KCNIP4: variants seen among roughly 807,000 people sequenced by gnomAD.
KCNIP4 encodes Kv channel-interacting protein 4.
KCNIP4 carries 12 observed loss-of-function variants against 34.0 expected under a neutral mutation model. The observed-to-expected ratio is 0.35, with a 90% confidence interval of 0.23 to 0.57. The LOEUF is 0.57. Among genes scored for constraint, KCNIP4 ranks in the 20% least tolerant of loss-of-function variants. KCNIP4 has a pLI of 0.83. For missense variants in KCNIP4, 238 were observed against 311.7 expected (o/e 0.76, Z 1.78); for synonymous variants, 124 against 102.2 (o/e 1.21, Z -1.29).
intron 1 of KCNIP4, among the ~76,000 whole-genome samples, chr4:20,936,146 G>C (rs1731036565): frequency 6.6e-6 from 1 of 152,016 alleles, no homozygotes; most frequent in African/African-American, 2.4e-5. Context: ...TTATTCAAAG[G>C]ATTAATTTAA....
intron 1 of KCNIP4, among the ~76,000 whole-genome samples, chr4:21,109,237 G>A (rs1462355449): frequency 1.4e-4 from 21 of 152,220 alleles, no homozygotes; most frequent in Non-Finnish European, 1.9e-4. Context: ...GCCTCCTTGA[G>A]CTGTGGTGGG....
intron 1 of KCNIP4, among the ~76,000 whole-genome samples, chr4:21,584,937 A>C (rs188616521): frequency 1.3e-5 from 2 of 151,932 alleles, no homozygotes; most frequent in Admixed American, 1.3e-4. Context: ...TGAATGGCTG[A>C]GTTTTATTTT....
intron 1 of KCNIP4, among the ~76,000 whole-genome samples, chr4:20,893,534 C>T (rs1423847059): frequency 1.3e-4 from 20 of 151,862 alleles, no homozygotes; most frequent in African/African-American, 3.1e-4. Context: ...GTGATCCTCC[C>T]GCCTCAGCCT....
At chr4:21,774,493 G>T (rs1719039670) in intron 1 of KCNIP4, among the ~76,000 whole-genome samples, 1 of 152,082 alleles carries the variant, frequency 6.6e-6, no homozygotes, top group South Asian at 2.1e-4. Flanking sequence ...GTCTTGCTAG[G>T]TTGGGGAAGT....
intron 1 of KCNIP4, among the ~76,000 whole-genome samples, chr4:21,513,141 C>G (rs867689188): frequency 2.6e-5 from 4 of 152,294 alleles, no homozygotes; most frequent in Admixed American, 6.5e-5. Flanking sequence ...ACAAAAATGA[C>G]TAACAGGACA....
intron 1 of KCNIP4, among the ~76,000 whole-genome samples, chr4:21,199,617 G>T (rs1363872746): frequency 6.6e-6 from 1 of 151,658 alleles, no homozygotes; most frequent in Admixed American, 6.6e-5. Flanking sequence ...CATTGCTTTT[G>T]GTGTTTTAGT....
At chr4:21,613,053 A>C (rs542579838) in intron 1 of KCNIP4, among the ~76,000 whole-genome samples, 2 of 152,164 alleles carry the variant, frequency 1.3e-5, no homozygotes, top group Non-Finnish European at 2.9e-5. Context: ...TCTAATCTTG[A>C]GTACTGTTGG....
chr4:20,908,225 G>A (rs556767092), intron 1 of KCNIP4, among the ~76,000 whole-genome samples: 170 of 151,502 alleles, frequency 1.1e-3, no homozygotes, highest in African/African-American at 3.7e-3. Flanking sequence ...TCAGCCTCCT[G>A]AGTAGCTGCG....
At chr4:21,873,727 G>A (rs774241364) in intron 1 of KCNIP4, among the ~76,000 whole-genome samples, 1 of 152,040 alleles carries the variant, frequency 6.6e-6, no homozygotes, top group African/African-American at 2.4e-5. Flanking sequence ...AAAGCATCCC[G>A]GTTACAAAAT....
At chr4:21,452,946 A>G (rs1728634983) in intron 1 of KCNIP4, among the ~76,000 whole-genome samples, 1 of 152,100 alleles carries the variant, frequency 6.6e-6, no homozygotes, top group African/African-American at 2.4e-5. Flanking sequence ...TTCATTCTGC[A>G]TATATACTTA....
intron 1 of KCNIP4, among the ~76,000 whole-genome samples, chr4:21,433,769 C>T (rs1292704274): frequency 6.6e-6 from 1 of 152,152 alleles, no homozygotes; most frequent in Non-Finnish European, 1.5e-5. Context: ...ATCTGAATCT[C>T]TTTAGCTGGA....
intron 1 of KCNIP4, among the ~76,000 whole-genome samples, chr4:20,976,221 T>C (rs1735477433): frequency 6.6e-6 from 1 of 152,150 alleles, no homozygotes; most frequent in African/African-American, 2.4e-5. Flanking sequence ...ATTAGAAATG[T>C]GAATTATGAC....
At chr4:21,128,723 C>A (rs1348752499) in intron 1 of KCNIP4, among the ~76,000 whole-genome samples, 1 of 152,158 alleles carries the variant, frequency 6.6e-6, no homozygotes, top group Non-Finnish European at 1.5e-5. Context: ...ACTAGCATAG[C>A]CCATCTTTGG....
At chr4:20,813,645 A>AG (rs1420972794) in intron 3 of KCNIP4, among the ~76,000 whole-genome samples, 4 of 152,174 alleles carry the variant, frequency 2.6e-5, no homozygotes, top group African/African-American at 7.2e-5. Context: ...AAAGCCAGGC[A>AG]GGGGGGCACT....
chr4:21,814,885 A>T (rs998026782), intron 1 of KCNIP4, among the ~76,000 whole-genome samples: 6 of 152,184 alleles, frequency 3.9e-5, no homozygotes, highest in African/African-American at 1.4e-4. Flanking sequence ...TAAAATTGAC[A>T]CAGAACTTGT....
At chr4:21,304,005 G>T in intron 1 of KCNIP4, 1 of 1,222,220 alleles carries the variant, frequency 8.2e-7, no homozygotes. Context: ...GGCTACTGCT[G>T]GAGAAAGGGG....
chr4:20,997,033 G>T (rs533509990), intron 1 of KCNIP4, among the ~76,000 whole-genome samples: 6 of 151,408 alleles, frequency 4.0e-5, no homozygotes, highest in African/African-American at 1.5e-4. Context: ...ATTAAGTAGT[G>T]CAGTGGGTTC....
chr4:21,776,332 G>GT (rs1026883829), intron 1 of KCNIP4, among the ~76,000 whole-genome samples: 40 of 149,172 alleles, frequency 2.7e-4, no homozygotes, highest in African/African-American at 4.2e-4. Flanking sequence ...ACTTACTATG[G>GT]TTTTTTTTTT....
At chr4:21,390,130 C>A (rs1722431386) in intron 1 of KCNIP4, among the ~76,000 whole-genome samples, 1 of 151,974 alleles carries the variant, frequency 6.6e-6, no homozygotes, top group Non-Finnish European at 1.5e-5. Context: ...ATATCCTTTG[C>A]CCAATTTTTG....
Sources: gnomAD v4.1 joint callset for allele counts (sites outside exome capture counted in the v4.1 genomes callset) on GRCh38, gnomAD v4.1.1 for gene constraint, MANE v1.5 for transcripts, NCBI Gene and HGNC (gene_info 2026-07-23, HGNC 2026-07-21) for gene names.